The following SMARCA2 variants were observed in gnomAD, a reference collection of about 807,000 sequenced individuals.
The protein encoded by SMARCA2 is SWI/SNF-related matrix-associated actin-dependent regulator of chromatin subfamily A member 2.
Under a neutral mutation model 199.8 loss-of-function variants are expected in SMARCA2, and 61 were observed. That is an observed-to-expected ratio of 0.31 (90% CI 0.25 to 0.38). The LOEUF (loss-of-function observed/expected upper bound fraction) is 0.38. Ranked by LOEUF, SMARCA2 falls within the 10% of genes least tolerant of loss-of-function variation. The probability of loss-of-function intolerance (pLI) is 1.00; values close to 1 mark genes in which losing one functional copy is unlikely to be tolerated. For synonymous variants in SMARCA2, 935 were observed against 732.0 expected (o/e 1.28, Z -4.48); for missense variants, 1,344 against 2,012.2 (o/e 0.67, Z 6.35).
chr9:2,050,371 A>ACT (rs1306243302), intron 5 of SMARCA2, among the ~76,000 whole-genome samples: 2 of 146,014 alleles, frequency 1.4e-5, no homozygotes, highest in Non-Finnish European at 3.0e-5. Context: ...ATGCCTTCTC[A>ACT]TTGTGCCTAA....
At chr9:2,129,375 G>A (rs539827860) in intron 27 of SMARCA2, among the ~76,000 whole-genome samples, 1 of 152,310 alleles carries the variant, frequency 6.6e-6, no homozygotes, top group East Asian at 1.9e-4. Context: ...CCGAGATCGT[G>A]CCATTGCACT....
Position 2,187,863 on chromosome 9 carries a change from G to A in SMARCA2, c.4594+1635G>A, listed in dbSNP as rs1827589359. Among the ~76,000 whole-genome samples, 6 of 152,182 alleles carry A rather than the reference G, an allele frequency of 3.9e-5. No individual in the cohort carries two copies. In the South Asian group the frequency reaches 1.2e-3, roughly 32 times the overall value. ...GGAAGCTGAGGTGGCTGGATCACTT[G>A]AAGTCACCAGTTTGAGACAAGCCTG... is the stretch of plus-strand genomic sequence containing the variant. On this transcript the variant is annotated intron_variant, in intron 32 of 33. Coordinates refer to ENST00000349721, the MANE Select transcript of SMARCA2 (RefSeq NM_003070.5).
intron 28 of SMARCA2, among the ~76,000 whole-genome samples, chr9:2,165,233 A>G (rs1026743029): frequency 9.2e-5 from 14 of 152,232 alleles, no homozygotes; most frequent in African/African-American, 3.4e-4. Context: ...TTAAATAAGA[A>G]CAGCCATTTA....
At chr9:2,139,479 G>A (rs920155736) in intron 27 of SMARCA2, among the ~76,000 whole-genome samples, 7 of 152,172 alleles carry the variant, frequency 4.6e-5, no homozygotes, top group Admixed American at 1.3e-4. Flanking sequence ...AGTCCAGCAC[G>A]CTAGAGTGTC....
intron 29 of SMARCA2, among the ~76,000 whole-genome samples, chr9:2,177,373 CAATT>C (rs1826681515): frequency 6.6e-6 from 1 of 152,082 alleles, no homozygotes; most frequent in South Asian, 2.1e-4. Context: ...TTAATATAAA[CAATT>C]TATTTCAGCT....
intron 21 of SMARCA2, among the ~76,000 whole-genome samples, chr9:2,100,112 GC>G (rs1424592092): frequency 1.3e-5 from 2 of 152,236 alleles, no homozygotes; most frequent in Non-Finnish European, 2.9e-5. Context: ...AGGAGGGAAA[GC>G]AGAAAAGGGA....
At chr9:2,045,422 T>G (rs1819794413) in intron 4 of SMARCA2, 1 of 152,128 alleles carries the variant, frequency 6.6e-6, no homozygotes, top group Non-Finnish European at 1.5e-5. Context: ...AAATGAAAAA[T>G]GTACCTTGTT....
At chr9:2,118,522 TTC>T (rs1402616455) in intron 25 of SMARCA2, among the ~76,000 whole-genome samples, 4 of 152,308 alleles carry the variant, frequency 2.6e-5, no homozygotes, top group African/African-American at 9.6e-5. Flanking sequence ...ATGTCTGAAG[TTC>T]TGTGTTTTCC....
chr9:2,057,349 T>G (rs945163328), intron 7 of SMARCA2, among the ~76,000 whole-genome samples: 5 of 152,202 alleles, frequency 3.3e-5, no homozygotes, highest in African/African-American at 4.8e-5. Context: ...GGCTCTACCC[T>G]CATGACCTTA....
Position 2,086,984 on chromosome 9 carries a change from C to T in SMARCA2, c.2682C>T (p.Leu894=), listed in dbSNP as rs752699040. Residue 894 remains leucine (L), a synonymous_variant, in exon 18 of 34, where the codon CTC becomes CTT. Transcript: ENST00000349721. This position sits in a 1 kb window ranked among gnomAD's most constrained non-coding sequence, Gnocchi z 4.3. The part of the protein sequence containing the change: ...LQNKLPELWA[L]LNFLLPTIFK... ...ATAAGCTCCCTGAACTCTGGGCCCTCCTCAACTTCCTCCTCCCAACAATTT... is the reference window on the plus strand; with the variant it reads ...ATAAGCTCCCTGAACTCTGGGCCCTTCTCAACTTCCTCCTCCCAACAATTT... 2 of 1,614,176 alleles carry T rather than the reference C, an allele frequency of 1.2e-6. No individual in the cohort carries two copies. Among genetic ancestry groups the T allele is most frequent in the South Asian group, 1.1e-5 (1 of 91,086 alleles).
chr9:2,108,608 CT>C (rs754417947), intron 23 of SMARCA2, among the ~76,000 whole-genome samples: 10 of 152,122 alleles, frequency 6.6e-5, no homozygotes, highest in Non-Finnish European at 7.4e-5. Context: ...GTTTCTGTGG[CT>C]TTTCATTCAG....
chr9:2,135,644 C>G (rs891749522), intron 27 of SMARCA2, among the ~76,000 whole-genome samples: 4 of 151,946 alleles, frequency 2.6e-5, no homozygotes, highest in African/African-American at 9.7e-5. Flanking sequence ...TGGGTTCAAG[C>G]AATTATCCTA....
At chr9:2,034,545 A>G (rs117959681) in intron 3 of SMARCA2, among the ~76,000 whole-genome samples, 2,781 of 152,328 alleles carry the variant, frequency 0.018, 49 homozygotes, top group Non-Finnish European at 0.027. Flanking sequence ...ATTAAAATTA[A>G]TATGTAGTTA....
At position 2,086,963 on chromosome 9, in the gene SMARCA2, G is replaced by A. The variant is rs754852921; in HGVS notation, c.2661G>A (p.Lys887=). The A allele has an allele frequency of 5.6e-6, 9 of 1,614,012 alleles. No individual in the cohort carries two copies. The highest frequency in any genetic ancestry group is 7.6e-6 in the Non-Finnish European group (9 of 1,180,018). Residue 887 remains lysine (K), a synonymous_variant, in exon 18 of 34, where the codon AAG becomes AAA. Transcript: ENST00000349721. The surrounding 1 kb of genome is among the most constrained non-coding windows in gnomAD (Gnocchi z 4.3). ...ILLTGTPLQN[K]LPELWALLNF... ...TGACTGGGACCCCGCTGCAGAATAA[G>A]CTCCCTGAACTCTGGGCCCTCCTCA...
intron 19 of SMARCA2, among the ~76,000 whole-genome samples, chr9:2,095,732 C>T (rs886292041): frequency 2.0e-5 from 3 of 152,212 alleles, no homozygotes; most frequent in African/African-American, 7.2e-5. Flanking sequence ...CTCCCTGGCC[C>T]TCAGAGCTGC....
intron 9 of SMARCA2, among the ~76,000 whole-genome samples, chr9:2,068,693 C>G (rs1013226450): frequency 6.6e-6 from 1 of 151,590 alleles, no homozygotes; most frequent in African/African-American, 2.4e-5. Context: ...CTCATTTTCT[C>G]AAGCATCTTG....
intron 33 of SMARCA2, 63 bp from the exon 34 acceptor site, chr9:2,192,641 G>T: frequency 8.7e-7 from 1 of 1,154,816 alleles, no homozygotes; most frequent in Non-Finnish European, 1.3e-6. Context: ...ATGGTTTGTT[G>T]TTATATCTTC....
At chr9:2,079,288 C>G (rs1169910875) in intron 14 of SMARCA2, among the ~76,000 whole-genome samples, 3 of 152,232 alleles carry the variant, frequency 2.0e-5, no homozygotes, top group African/African-American at 4.8e-5. Flanking sequence ...ATTTCTTTGA[C>G]TACCAAACCC....
At chr9:2,156,394 A>C (rs374386191) in intron 27 of SMARCA2, among the ~76,000 whole-genome samples, 41 of 142,016 alleles carry the variant, frequency 2.9e-4, no homozygotes, top group African/African-American at 1.1e-3. Flanking sequence ...GGAAAATACC[A>C]TAAAGTTTAC....
Sources: gnomAD v4.1 joint callset for allele counts (sites outside exome capture counted in the v4.1 genomes callset) on GRCh38, gnomAD v4.1.1 for gene constraint, Gnocchi (gnomAD v3.1) non-coding constraint, MANE v1.5 for transcripts, NCBI Gene and HGNC (gene_info 2026-07-23, HGNC 2026-07-21) for gene names.